Variants in TIMM17A observed in about 807,000 individuals in gnomAD.
TIMM17A encodes the protein translocase of inner mitochondrial membrane 17A, also known as mitochondrial import inner membrane translocase subunit Tim17-A.
TIMM17A carries 15 observed loss-of-function variants against 26.5 expected under a neutral mutation model. The observed-to-expected ratio is 0.57, with a 90% CI of 0.38 to 0.87. The LOEUF is 0.87. Among genes scored for constraint, TIMM17A ranks in the 40% least tolerant of loss-of-function variants. TIMM17A has a pLI of 0.00. For missense variants in TIMM17A, 201 were observed against 210.0 expected, an observed-to-expected ratio of 0.96 and a Z score of 0.27; for synonymous variants, 80 against 70.8, an observed-to-expected ratio of 1.13 and a Z score of -0.66.
At chr1:201,965,003 G>T (rs1444620932) in intron 4 of TIMM17A, among the ~76,000 whole-genome samples, 2 of 146,668 alleles carry the variant, frequency 1.4e-5, no homozygotes, top group African/African-American at 2.5e-5. Context: ...CCAGGCTGGA[G>T]TGCAGTGGCA....
chr1:201,957,800 A>AT (rs11480520), intron 3 of TIMM17A: 216,248 of 317,210 alleles, frequency 0.68, 61,495 homozygotes, highest in Admixed American at 0.83. Flanking sequence ...ACACTCGGTG[A>AT]TTTTTTTTTT....
At chr1:201,967,517 TTTTA>T (rs144257538) in intron 5 of TIMM17A, among the ~76,000 whole-genome samples, 1 of 142,836 alleles carries the variant, frequency 7.0e-6, no homozygotes, top group Non-Finnish European at 1.5e-5. Context: ...GGAATCTCCT[TTTTA>T]TTTATTTATT....
At position 201,955,818 on chromosome 1, in the gene TIMM17A, T is replaced by C. The variant is rs995683386; in HGVS notation, c.26+266T>C. Among the ~76,000 whole-genome samples, 24 of 152,350 alleles carry C rather than the reference T, an allele frequency of 1.6e-4. No homozygotes were observed. In the East Asian group the frequency reaches 2.7e-3, roughly 17 times the overall value. The stretch of plus-strand genomic sequence containing the variant: ...TAAGGAGGTCCAGACTTGAGTTTGA[T>C]AGAACCTCGGAACCTCCTCCCAACG... On this transcript the variant is annotated intron_variant, in intron 1 of 5. Coordinates refer to ENST00000367287, the MANE Select transcript of TIMM17A (RefSeq NM_006335.3).
chr1:201,963,660 A>G lies in TIMM17A; in HGVS notation c.235A>G (p.Ser79Gly). Reference sequence around the variant, plus strand: ...AGGGCTGTTTTCCATGATTGACTGTAGTATGGTTCAAGTCAGAGGAAAGGA... The same window carrying G: ...AGGGCTGTTTTCCATGATTGACTGTGGTATGGTTCAAGTCAGAGGAAAGGA... The part of the protein sequence containing the change: ...WGGLFSMIDC[S>G]MVQVRGKEDP... Residue 79 changes from serine to glycine, a missense_variant, in exon 4 of 6, where the codon AGT (serine) becomes GGT (glycine). Physicochemically the swap from Ser to Gly is moderately conservative, Grantham distance 56 (BLOSUM62 0). Coordinates refer to ENST00000367287, the MANE Select transcript of TIMM17A (RefSeq NM_006335.3). 1 of 1,611,354 alleles carries G rather than the reference A, an allele frequency of 6.2e-7. No individual in the cohort carries two copies. Among genetic ancestry groups the G allele is most frequent in the South Asian group, 1.1e-5 (1 of 90,422 alleles).
At chr1:201,961,068 T>C (rs1464725062) in intron 3 of TIMM17A, among the ~76,000 whole-genome samples, 1 of 146,134 alleles carries the variant, frequency 6.8e-6, no homozygotes. Context: ...TATATTTTCT[T>C]TTTTTTTTTT....
chr1:201,967,633 C>T (rs1011078132), intron 5 of TIMM17A, among the ~76,000 whole-genome samples: 2 of 151,830 alleles, frequency 1.3e-5, no homozygotes, highest in African/African-American at 4.8e-5. Flanking sequence ...GCCTTGACCT[C>T]CTGGGCTCAG....
At chr1:201,956,267 T>C (rs1330746591) in intron 1 of TIMM17A, among the ~76,000 whole-genome samples, 1 of 152,218 alleles carries the variant, frequency 6.6e-6, no homozygotes, top group South Asian at 2.1e-4. Context: ...TATAAAACGA[T>C]GTAATTGCTG....
At chr1:201,967,234 C>T (rs1041666086) in intron 5 of TIMM17A, among the ~76,000 whole-genome samples, 8 of 151,912 alleles carry the variant, frequency 5.3e-5, no homozygotes, top group Non-Finnish European at 1.2e-4. Context: ...TTCAAGTGCA[C>T]TGCTCGTTAA....
chr1:201,959,966 A>T (rs1021358633), intron 3 of TIMM17A, among the ~76,000 whole-genome samples: 1 of 151,800 alleles, frequency 6.6e-6, no homozygotes, highest in African/African-American at 2.4e-5. Flanking sequence ...ACACCACTGT[A>T]CTCCAGCCAG....
chr1:201,957,837 T>C (rs1682458139), intron 3 of TIMM17A: 2 of 378,662 alleles, frequency 5.3e-6, no homozygotes, highest in Non-Finnish European at 9.5e-6. Flanking sequence ...GAAAGACAGT[T>C]ATTTAAAGCT....
chr1:201,961,301 A>G (rs1480008257), intron 3 of TIMM17A, among the ~76,000 whole-genome samples: 2 of 152,140 alleles, frequency 1.3e-5, no homozygotes, highest in Non-Finnish European at 2.9e-5. Flanking sequence ...TCTTGAGCTC[A>G]GGCAGTCCAC....
chr1:201,964,638 T>TC (rs1245604669), intron 4 of TIMM17A, among the ~76,000 whole-genome samples: 3 of 9,404 alleles, frequency 3.2e-4, no homozygotes, highest in African/African-American at 5.7e-4. Flanking sequence ...TTTATTTCTT[T>TC]TTTTTTTTTT....
chr1:201,968,714 G>A (rs1210767230), intron 5 of TIMM17A, among the ~76,000 whole-genome samples: 1 of 152,130 alleles, frequency 6.6e-6, no homozygotes, highest in African/African-American at 2.4e-5. Context: ...CAAGTTTTCT[G>A]TAATTAACAG....
At chr1:201,957,605 T>C in intron 3 of TIMM17A, 31 bp downstream of exon 3, 1 of 1,548,200 alleles carries the variant, frequency 6.5e-7, no homozygotes, top group South Asian at 1.2e-5. Flanking sequence ...AACTGAACTA[T>C]TTTTTTCTGT....
In TIMM17A at chr1:201,957,294, G is replaced by A. The variant is rs140072318; in HGVS notation, c.40G>A (p.Val14Met). Residue 14 changes from valine to methionine, a missense_variant, in exon 2 of 6, where the codon GTG (valine) becomes ATG (methionine). Coordinates refer to ENST00000367287, the MANE Select transcript of TIMM17A (RefSeq NM_006335.3). Reference protein sequence around the residue: ...YAREPCPWRIVDDCGGAFTMG... With the variant: ...YAREPCPWRIMDDCGGAFTMG... The stretch of plus-strand genomic sequence containing the variant: ...CCCTGTTCTTAGCCCATGGCGAATT[G>A]TGGATGACTGTGGTGGGGCCTTTAC... 242 of 1,611,258 alleles carry A rather than the reference G, an allele frequency of 1.5e-4. No homozygotes were observed. Among genetic ancestry groups the A allele is most frequent in the Admixed American group, 4.8e-4 (29 of 59,800 alleles).
At chr1:201,955,812 G>C (rs2102940099) in intron 1 of TIMM17A, among the ~76,000 whole-genome samples, 1 of 152,360 alleles carries the variant, frequency 6.6e-6, no homozygotes, top group African/African-American at 2.4e-5. Flanking sequence ...CCAGACTTGA[G>C]TTTGATAGAA....
At chr1:201,967,521 A>ATTTATTTATTTTATTTATTTATTTAT (rs1682655952) in intron 5 of TIMM17A, among the ~76,000 whole-genome samples, 1 of 150,930 alleles carries the variant, frequency 6.6e-6, no homozygotes, top group Non-Finnish European at 1.5e-5. Context: ...TCTCCTTTTT[A>ATTTATTTATTTTATTTATTTATTTAT]TTTATTTATT....
intron 3 of TIMM17A, among the ~76,000 whole-genome samples, chr1:201,958,329 T>C (rs948502648): frequency 1.3e-5 from 2 of 152,236 alleles, no homozygotes; most frequent in Admixed American, 1.3e-4. Flanking sequence ...TTCTATTCAT[T>C]GTACTTTGTA....
chr1:201,961,664 C>G (rs1223027048), intron 3 of TIMM17A, among the ~76,000 whole-genome samples: 1 of 152,032 alleles, frequency 6.6e-6, no homozygotes, highest in Non-Finnish European at 1.5e-5. Context: ...CCCTTGACAA[C>G]TTAGAGAGAA....
Sources: gnomAD v4.1 joint callset for allele counts (sites outside exome capture counted in the v4.1 genomes callset) on GRCh38, gnomAD v4.1.1 for gene constraint, MANE v1.5 for transcripts, NCBI Gene and HGNC (gene_info 2026-07-23, HGNC 2026-07-21) for gene names.